Variants in RELN observed in about 807,000 individuals in gnomAD.
RELN encodes the protein reelin.
A neutral mutation model predicts 427.6 loss-of-function variants in RELN; 108 were observed. That is an observed-to-expected ratio of 0.25 (90% CI 0.22 to 0.30). The LOEUF is 0.30. RELN is among the 10% of genes least tolerant of loss of function. RELN has a pLI of 1.00. For missense variants in RELN, 3,715 were observed against 4,302.8 expected (o/e 0.86, Z 3.82); for synonymous variants, 1,524 against 1,513.4 (o/e 1.01, Z -0.16).
intron 20 of RELN, among the ~76,000 whole-genome samples, chr7:103,621,076 C>T (rs573424112): frequency 1.3e-5 from 2 of 152,138 alleles, no homozygotes; most frequent in Non-Finnish European, 2.9e-5. Flanking sequence ...TGTAGGACCT[C>T]GATACTTTTA....
At chr7:103,732,344 G>A (rs930435322) in intron 6 of RELN, among the ~76,000 whole-genome samples, 2 of 152,078 alleles carry the variant, frequency 1.3e-5, no homozygotes, top group African/African-American at 2.4e-5. Context: ...ATCAATCCAA[G>A]TGTATCTCCA....
chr7:103,740,051 T>G (rs946591158), intron 6 of RELN, among the ~76,000 whole-genome samples: 2 of 152,084 alleles, frequency 1.3e-5, no homozygotes, highest in African/African-American at 4.8e-5. Context: ...CAGGAACAGA[T>G]AGATGGCTGG....
chr7:103,525,008 A>G (rs1434760187), intron 46 of RELN, among the ~76,000 whole-genome samples: 1 of 151,888 alleles, frequency 6.6e-6, no homozygotes, highest in African/African-American at 2.4e-5. Context: ...CTCCCTCATC[A>G]TGGTCACTCG....
intron 1 of RELN, among the ~76,000 whole-genome samples, chr7:103,954,402 G>A (rs1002491458): frequency 1.3e-5 from 2 of 152,144 alleles, no homozygotes; most frequent in African/African-American, 4.8e-5. Flanking sequence ...GCATGAGTTT[G>A]TGAGGGTGTG....
In RELN at chr7:103,556,726, C is replaced by T. The variant is rs10241240; in HGVS notation, c.5797+251G>A. 0.085 allele frequency among the ~76,000 whole-genome samples: 12,894 copies of T among 152,204 alleles called. 595 individuals are homozygous for T. Among genetic ancestry groups the T allele is most frequent in the South Asian group, 0.13 (625 of 4,824 alleles). ...AAGACATGCCTTTTGCCTCCCGCCACGATTCTGAGGCCTCCCTGGCCATGT... is the reference window on the plus strand; with the variant it reads ...AAGACATGCCTTTTGCCTCCCGCCATGATTCTGAGGCCTCCCTGGCCATGT... On this transcript the variant is annotated intron_variant, in intron 38 of 64. Transcript: ENST00000428762.
At chr7:103,882,655 A>G (rs1188167487) in intron 2 of RELN, among the ~76,000 whole-genome samples, 4 of 152,118 alleles carry the variant, frequency 2.6e-5, no homozygotes, top group African/African-American at 7.2e-5. Flanking sequence ...AGAGAATACT[A>G]TAAACACATC....
chr7:103,519,232 G>A lies in RELN; in HGVS notation c.7862+91C>T. 3 of 978,396 alleles carry A rather than the reference G, an allele frequency of 3.1e-6. No homozygotes were observed. The Admixed American group carries it at 5.1e-5, about 17-fold the overall frequency. The allele number at this position is 978,396 out of a possible 1,614,324, so 60.6% of individuals were successfully genotyped here. ...AGAGGCATCCTCTAGTGAGGCATAA[G>A]TCTGAGGTCCCCCTCAGTCTCCCGT... is the stretch of plus-strand genomic sequence containing the variant. On this transcript the variant is annotated intron_variant, in intron 49 of 64. Coordinates refer to ENST00000428762, the MANE Select transcript of RELN (RefSeq NM_005045.4).
At chr7:103,631,127 G>A (rs1019939293) in intron 19 of RELN, among the ~76,000 whole-genome samples, 2 of 151,702 alleles carry the variant, frequency 1.3e-5, no homozygotes, top group African/African-American at 4.8e-5. Flanking sequence ...GATATATGGG[G>A]TAGACTAACA....
At chr7:103,476,034 T>A (rs1828020852) in intron 64 of RELN, among the ~76,000 whole-genome samples, 1 of 152,242 alleles carries the variant, frequency 6.6e-6, no homozygotes, top group African/African-American at 2.4e-5. Context: ...ATTACAAGCA[T>A]GGCCACTGTG....
chr7:103,894,939 C>T (rs1365278550), intron 2 of RELN, among the ~76,000 whole-genome samples: 1 of 152,144 alleles, frequency 6.6e-6, no homozygotes, highest in East Asian at 1.9e-4. Flanking sequence ...ACTTACCCTG[C>T]TCATGCTCTG....
chr7:103,985,672 G>A (rs1017569030), intron 1 of RELN, among the ~76,000 whole-genome samples: 1 of 152,132 alleles, frequency 6.6e-6, no homozygotes, highest in African/African-American at 2.4e-5. Context: ...AAAAATGTGG[G>A]AAAGTTTAAC....
At chr7:103,542,932 AT>A in intron 42 of RELN, 54 bp from the exon 43 acceptor site, 1 of 1,567,796 alleles carries the variant, frequency 6.4e-7, no homozygotes, top group Non-Finnish European at 8.8e-7. Flanking sequence ...AGTGAGTTGT[AT>A]TATATTTTTA....
intron 64 of RELN, among the ~76,000 whole-genome samples, chr7:103,474,125 A>G (rs547144813): frequency 2.0e-5 from 3 of 152,316 alleles, no homozygotes; most frequent in Non-Finnish European, 4.4e-5. Flanking sequence ...TAGGCATATT[A>G]TACTAGCACT....
At chr7:103,488,225 C>G (rs6943563) in intron 60 of RELN, among the ~76,000 whole-genome samples, 9,451 of 152,130 alleles carry the variant, frequency 0.062, 367 homozygotes, top group African/African-American at 0.093. Flanking sequence ...TCTAAGAGAC[C>G]ACTGAACTGA....
At chr7:103,510,571 G>A (rs1829374202) in intron 51 of RELN, among the ~76,000 whole-genome samples, 2 of 152,004 alleles carry the variant, frequency 1.3e-5, no homozygotes, top group South Asian at 2.1e-4. Flanking sequence ...CATGCCACAT[G>A]TATACCTATG....
At chr7:103,656,117 T>C (rs1355837860) in intron 12 of RELN, among the ~76,000 whole-genome samples, 1 of 152,044 alleles carries the variant, frequency 6.6e-6, no homozygotes, top group Non-Finnish European at 1.5e-5. Flanking sequence ...CCCATTCTGA[T>C]TGGCCAGGTG....
At chr7:103,568,997 T>C (rs1830822616) in intron 31 of RELN, among the ~76,000 whole-genome samples, 1 of 152,228 alleles carries the variant, frequency 6.6e-6, no homozygotes, top group East Asian at 1.9e-4. Flanking sequence ...GTTCAAAAAG[T>C]GGAGCTTAAT....
At chr7:103,739,422 A>G (rs971077360) in intron 6 of RELN, among the ~76,000 whole-genome samples, 2 of 152,162 alleles carry the variant, frequency 1.3e-5, no homozygotes, top group Non-Finnish European at 2.9e-5. Context: ...TGACTAAGAC[A>G]CTATTGATGC....
chr7:103,853,094 T>C (rs1793863094), intron 2 of RELN, among the ~76,000 whole-genome samples: 1 of 152,028 alleles, frequency 6.6e-6, no homozygotes, highest in Admixed American at 6.6e-5. Context: ...TGATTACAAA[T>C]GTAGTCTCAG....
Sources: gnomAD v4.1 joint callset for allele counts (sites outside exome capture counted in the v4.1 genomes callset) on GRCh38, gnomAD v4.1.1 for gene constraint, MANE v1.5 for transcripts, NCBI Gene and HGNC (gene_info 2026-07-23, HGNC 2026-07-21) for gene names.